Variants in AGR2 observed in about 807,000 individuals in gnomAD.
AGR2 encodes the protein anterior gradient 2, protein disulphide isomerase family member, also known as anterior gradient protein 2 homolog.
Under a neutral mutation model 25.9 loss-of-function variants are expected in AGR2, and 27 were observed. The observed-to-expected ratio is 1.04, with a 90% CI of 0.77 to 1.44. AGR2 has a LOEUF of 1.44. Among genes scored for constraint, AGR2 ranks in the 40% most tolerant of loss-of-function variants. The pLI, the probability that AGR2 is intolerant of heterozygous loss-of-function variation, is 0.00. For synonymous variants in AGR2, 78 were observed against 72.0 expected, an observed-to-expected ratio of 1.08 and a Z score of -0.42; for missense variants, 182 against 200.9, an observed-to-expected ratio of 0.91 and a Z score of 0.57.
intron 6 of AGR2, 85 bp downstream of exon 6, chr7:16,797,546 G>A (rs912392918): frequency 1.9e-5 from 22 of 1,186,178 alleles, no homozygotes; most frequent in Admixed American, 6.1e-5. Context: ...CCATGGCAAC[G>A]TGGCAAGGGA....
At chr7:16,797,569 G>A in intron 6 of AGR2, 62 bp downstream of exon 6, 1 of 1,474,332 alleles carries the variant, frequency 6.8e-7, no homozygotes, top group Non-Finnish European at 9.5e-7. Context: ...GTGGGGAGGA[G>A]AGAAGGAGGA....
intron 5 of AGR2, 58 bp downstream of exon 5, chr7:16,799,686 A>G (rs1208749438): frequency 1.6e-6 from 2 of 1,267,106 alleles, no homozygotes; most frequent in East Asian, 2.3e-5. Context: ...AAAATGAATC[A>G]TCCATTTCAA....
intron 1 of AGR2, among the ~76,000 whole-genome samples, chr7:16,804,191 A>T (rs1288219879): frequency 6.7e-6 from 1 of 149,240 alleles, no homozygotes; most frequent in Admixed American, 6.7e-5. Flanking sequence ...CTGCTCTGCA[A>T]ATTTCCTGCA....
intron 6 of AGR2, among the ~76,000 whole-genome samples, chr7:16,795,858 G>T (rs1785037065): frequency 6.6e-6 from 1 of 152,182 alleles, no homozygotes; most frequent in African/African-American, 2.4e-5. Flanking sequence ...TGGGCAATCT[G>T]TCATTTCAGA....
rs113723926 is a variant in AGR2, at chr7:16,792,658, C to G, written c.*250G>C. 22 of 455,376 alleles carry G rather than the reference C, an allele frequency of 4.8e-5. No individual in the cohort carries two copies. The highest frequency in any genetic ancestry group is 4.2e-4 in the African/African-American group (21 of 50,024). The allele number at this position is 455,376 out of a possible 1,614,324, so 28.2% of individuals were successfully genotyped here. ...GACCAAGTTGGAGAAAACAGAACAC[C>G]CCCAAAACATTTATTTTTTTTTTTA... On this transcript the variant is annotated 3_prime_UTR_variant, in exon 8 of 8. Coordinates refer to ENST00000419304, the MANE Select transcript of AGR2 (RefSeq NM_006408.4).
At chr7:16,802,860 G>T (rs62440423) in intron 1 of AGR2, among the ~76,000 whole-genome samples, 24,776 of 151,940 alleles carry the variant, frequency 0.16, 2,288 homozygotes, top group South Asian at 0.28. Flanking sequence ...GGAGACAAGG[G>T]CTCACTGTGT....
intron 6 of AGR2, among the ~76,000 whole-genome samples, chr7:16,795,521 A>T (rs534500811): frequency 1.3e-5 from 2 of 152,246 alleles, no homozygotes; most frequent in East Asian, 3.9e-4. Flanking sequence ...AGCATATAGT[A>T]CCTTCACTAT....
chr7:16,801,477 A>G, intron 2 of AGR2, 94 bp from the exon 3 acceptor site: 1 of 1,339,798 alleles, frequency 7.5e-7, no homozygotes. Context: ...AATAGACCCT[A>G]TACTAAAGAA....
In AGR2 at chr7:16,792,848, C is replaced by T. The variant is rs1446749778; in HGVS notation, c.*60G>A. ...TTCCACACTAGCCAGTCTTCTCACACTTCTTCTGGTTTCAAGTCTCAAGGC... is the reference window on the plus strand; with the variant it reads ...TTCCACACTAGCCAGTCTTCTCACATTTCTTCTGGTTTCAAGTCTCAAGGC... On this transcript the variant is annotated 3_prime_UTR_variant, in exon 8 of 8. Transcript: ENST00000419304. 14 of 1,450,258 alleles carry T rather than the reference C, an allele frequency of 9.7e-6. No homozygotes were observed. Among genetic ancestry groups the T allele is most frequent in the African/African-American group, 1.4e-5 (1 of 71,466 alleles). 89.8% of individuals were successfully genotyped at this position (1,450,258 alleles called of 1,614,324 possible). A position where few individuals can be genotyped will look rare whatever the true frequency, so the allele number is the denominator to read the frequency against.
chr7:16,799,166 A>C (rs1785097688), intron 5 of AGR2, among the ~76,000 whole-genome samples: 1 of 152,188 alleles, frequency 6.6e-6, no homozygotes. Flanking sequence ...TCTTTAAGGA[A>C]GCCAACCTGT....
intron 1 of AGR2, 145 bp downstream of exon 1, chr7:16,804,790 C>T (rs535211878): frequency 9.2e-5 from 14 of 152,310 alleles, no homozygotes; most frequent in African/African-American, 3.4e-4. Context: ...GTGGAAATTC[C>T]ATGATTTCCC....
chr7:16,801,704 CT>C lies in AGR2; in HGVS notation c.92del (p.Lys31ArgfsTer42), dbSNP rs1254087450. 6.2e-7 allele frequency: 1 copy of C among 1,613,600 alleles called. No homozygotes were observed. Among genetic ancestry groups the C allele is most frequent in the African/African-American group, 1.3e-5 (1 of 74,808 alleles). ...GTTTGGGTCGAGAGTCCTTTGTGTC[CT>C]TTTTGGCTCCAGGTTTGACTGTGGT... ...RDTTVKPGAK[K>X]DTKDSRPKLP... is the part of the protein sequence containing the mutation. On this transcript the variant is annotated frameshift_variant, in exon 2 of 8. Transcript: ENST00000419304. LOFTEE classifies it high-confidence loss of function.
chr7:16,801,867 G>A (rs1021073398), intron 1 of AGR2, 64 bp from the exon 2 acceptor site: 120 of 1,474,850 alleles, frequency 8.1e-5, no homozygotes, highest in Non-Finnish European at 1.1e-4. Context: ...AGGGTCTGCA[G>A]GTTGCCCCAC....
Position 16,794,501 on chromosome 7 carries a change from A to G in AGR2, c.478+435T>C, listed in dbSNP as rs181007569. 5.3e-5 allele frequency among the ~76,000 whole-genome samples: 8 copies of G among 152,308 alleles called. No homozygotes were observed. In the East Asian group the frequency reaches 9.6e-4, roughly 18 times the overall value. ...AATTTTCTTGGCAATCATTTGGATC[A>G]TCTTTGAAACTGATCTTTAAACTGA... On this transcript the variant is annotated intron_variant, in intron 7 of 7. Transcript: ENST00000419304.
intron 2 of AGR2, 129 bp downstream of exon 2, chr7:16,801,529 T>C (rs1433377542): frequency 3.7e-6 from 5 of 1,367,602 alleles, no homozygotes; most frequent in Non-Finnish European, 5.2e-6. Context: ...TTATAAACAG[T>C]GATAAGTCTA....
chr7:16,796,933 T>C (rs890773274), intron 6 of AGR2, among the ~76,000 whole-genome samples: 2 of 152,090 alleles, frequency 1.3e-5, no homozygotes, highest in African/African-American at 4.8e-5. Context: ...ATTCCTTTTT[T>C]TTTTTTGAGA....
At chr7:16,803,746 A>G (rs1161929514) in intron 1 of AGR2, among the ~76,000 whole-genome samples, 1 of 152,238 alleles carries the variant, frequency 6.6e-6, no homozygotes, top group Non-Finnish European at 1.5e-5. Flanking sequence ...ACTGTAAGTC[A>G]ACAATTCTCA....
intron 6 of AGR2, 33 bp from the exon 7 acceptor site, chr7:16,795,052 AT>A: frequency 6.2e-7 from 1 of 1,611,388 alleles, no homozygotes; most frequent in Non-Finnish European, 8.5e-7. Context: ...AGGGAATGGA[AT>A]GGTTTGTTTT....
intron 3 of AGR2, 21 bp downstream of exon 3, chr7:16,801,299 C>CT: frequency 6.2e-7 from 1 of 1,612,906 alleles, no homozygotes; most frequent in South Asian, 1.1e-5. Flanking sequence ...TGAGGGAGCT[C>CT]TGAGTAATCC....
Sources: gnomAD v4.1 joint callset for allele counts (sites outside exome capture counted in the v4.1 genomes callset) on GRCh38, gnomAD v4.1.1 for gene constraint, MANE v1.5 for transcripts, NCBI Gene and HGNC (gene_info 2026-07-23, HGNC 2026-07-21) for gene names.